The following HDHD2 variants were observed in gnomAD, a reference collection of about 807,000 sequenced individuals.
HDHD2 encodes the protein haloacid dehalogenase-like hydrolase domain-containing protein 2.
In HDHD2, 26 loss-of-function variants were observed where a neutral mutation model predicts 24.8. The observed-to-expected ratio is 1.05, with a 90% confidence interval of 0.77 to 1.45. The LOEUF is 1.45. Among genes scored for constraint, HDHD2 ranks in the 40% most tolerant of loss-of-function variants. HDHD2 has a pLI of 0.00. For synonymous variants in HDHD2, 128 were observed against 114.9 expected (o/e 1.11, Z -0.73); for missense variants, 299 against 313.4 (o/e 0.95, Z 0.35).
In HDHD2 at chr18:47,134,694, C is replaced by G. The variant is rs1220097948; in HGVS notation, c.112G>C (p.Ala38Pro). Residue 38 changes from alanine (A) to proline (P), a missense_variant, in exon 3 of 7, where the codon GCT becomes CCT. Transcript: ENST00000300605. Reference sequence around the variant, plus strand: ...GTCACAAACCTAATGATTACAGAAGCACCACGTAACCTGGAGAGGGCCAAA... The same window carrying G: ...GTCACAAACCTAATGATTACAGAAGGACCACGTAACCTGGAGAGGGCCAAA... ...AQEALKRLRGASVIIRFVTNT... is the reference protein window; with the variant it reads ...AQEALKRLRGPSVIIRFVTNT... 6.2e-7 allele frequency: 1 copy of G among 1,613,988 alleles called. No homozygotes were observed. Among genetic ancestry groups the G allele is most frequent in the Admixed American group, 1.7e-5 (1 of 60,022 alleles).
chr18:47,134,279 A>G (rs1001943243), intron 3 of HDHD2: 5 of 573,834 alleles, frequency 8.7e-6, no homozygotes, highest in African/African-American at 5.6e-5. Context: ...ACACATATAG[A>G]TATGTATTAG....
intron 5 of HDHD2, among the ~76,000 whole-genome samples, 170 bp from the exon 6 acceptor site, chr18:47,113,210 C>A (rs2063530206): frequency 6.6e-6 from 1 of 152,186 alleles, no homozygotes; most frequent in Non-Finnish European, 1.5e-5. Flanking sequence ...TCTGAGGAAG[C>A]ATTCCAAATT....
chr18:47,138,120 C>T (rs1206701622), intron 1 of HDHD2, among the ~76,000 whole-genome samples: 1 of 131,924 alleles, frequency 7.6e-6, no homozygotes, highest in African/African-American at 2.9e-5. Context: ...TGCAGTGAGC[C>T]GAGATCGCAC....
chr18:47,143,012 A>G (rs1016765767), intron 1 of HDHD2, among the ~76,000 whole-genome samples: 1 of 152,224 alleles, frequency 6.6e-6, no homozygotes. Context: ...TATTAAATAG[A>G]TCTTTGGCAC....
At chr18:47,115,415 G>T in intron 4 of HDHD2, 67 bp from the exon 5 acceptor site, 1 of 1,144,500 alleles carries the variant, frequency 8.7e-7, no homozygotes, top group Non-Finnish European at 1.3e-6. Context: ...GGGAACGAAT[G>T]TCAGACTTAC....
Position 47,130,287 on chromosome 18 carries a change from C to T in HDHD2, c.352G>A (p.Ala118Thr), listed in dbSNP as rs2063700910. The T allele has an allele frequency of 1.2e-6, 2 of 1,608,048 alleles. No homozygotes were observed. The highest frequency in any genetic ancestry group is 3.4e-5 in the Admixed American group (2 of 59,432). The stretch of plus-strand genomic sequence containing the variant: ...ATTTGATAATGAAAATGTTCTGGTG[C>T]CAATCCCATGACCACAGCATTAGGA... ...SDPNAVVMGL[A>T]PEHFHYQILN... Residue 118 changes from alanine to threonine, a missense_variant, in exon 4 of 7, where the codon GCA (alanine) becomes ACA (threonine). By Grantham distance (58) the Ala-to-Thr change is moderately conservative. Coordinates refer to ENST00000300605, the MANE Select transcript of HDHD2 (RefSeq NM_032124.5).
intron 1 of HDHD2, among the ~76,000 whole-genome samples, chr18:47,141,734 ACTT>A (rs1356217720): frequency 4.6e-5 from 7 of 152,124 alleles, no homozygotes; most frequent in Non-Finnish European, 8.8e-5. Context: ...TTTTTTGAGC[ACTT>A]CTTTGCTTTT....
chr18:47,141,205 T>C (rs938977007), intron 1 of HDHD2, among the ~76,000 whole-genome samples: 1 of 152,216 alleles, frequency 6.6e-6, no homozygotes, highest in Admixed American at 6.5e-5. Flanking sequence ...TTTTTCTGTA[T>C]CCAATGAGAT....
chr18:47,145,183 T>A (rs1261750755), intron 1 of HDHD2, among the ~76,000 whole-genome samples: 1 of 152,196 alleles, frequency 6.6e-6, no homozygotes, highest in African/African-American at 2.4e-5. Flanking sequence ...CAAATTGCTT[T>A]CAAAGGAGCA....
At chr18:47,120,171 T>C (rs1385099880) in intron 4 of HDHD2, among the ~76,000 whole-genome samples, 6 of 152,194 alleles carry the variant, frequency 3.9e-5, no homozygotes, top group Non-Finnish European at 8.8e-5. Context: ...GGCACTGACT[T>C]TTCCTCTCTA....
In HDHD2 at chr18:47,131,674, T is replaced by C. The variant is rs552182124; in HGVS notation, c.311-1346A>G. Among the ~76,000 whole-genome samples the C allele has an allele frequency of 2.0e-5, 3 of 152,354 alleles. No individual in the cohort carries two copies. The East Asian group carries it at 5.8e-4, about 29-fold the overall frequency. ...TTGTATTTAACTTACTTGATTTTTA[T>C]TATTGCATCTCTTTTCACTGACACT... is the stretch of plus-strand genomic sequence containing the variant. On this transcript the variant is annotated intron_variant, in intron 3 of 6. Transcript: ENST00000300605.
chr18:47,111,893 G>A (rs774243389), intron 6 of HDHD2: 81 of 679,356 alleles, frequency 1.2e-4, no homozygotes, highest in Non-Finnish European at 9.8e-5. Flanking sequence ...TTGACTTTAT[G>A]TTTAAATATT....
intron 4 of HDHD2, among the ~76,000 whole-genome samples, chr18:47,121,501 G>T (rs1859587303): frequency 6.6e-6 from 1 of 152,124 alleles, no homozygotes; most frequent in East Asian, 1.9e-4. Flanking sequence ...TCTTTCACCT[G>T]AACTGTAACA....
chr18:47,122,206 C>T (rs2063613875), intron 4 of HDHD2, among the ~76,000 whole-genome samples: 1 of 152,182 alleles, frequency 6.6e-6, no homozygotes, highest in Non-Finnish European at 1.5e-5. Context: ...GTGTCCTGAC[C>T]TATGACAACT....
Position 47,134,553 on chromosome 18 carries a change from G to T in HDHD2, c.253C>A (p.Arg85=). The T allele has an allele frequency of 6.2e-7, 1 of 1,614,056 alleles. No individual in the cohort carries two copies. The highest frequency in any genetic ancestry group is 8.5e-7 in the Non-Finnish European group (1 of 1,179,978). Residue 85 remains arginine (R), a synonymous_variant, in exon 3 of 7, where the codon CGG becomes AGG. Transcript: ENST00000300605. The part of the protein sequence containing the change: ...SLTAARSLLE[R]KQVRPMLLVD... ...AGCAGCATGGGTCTGACTTGTTTCC[G>T]CTCTAGTAAACTTCTGGCTGCAGTC... is the stretch of plus-strand genomic sequence containing the variant.
At chr18:47,135,481 G>C (rs562984936) in intron 2 of HDHD2, among the ~76,000 whole-genome samples, 1 of 151,890 alleles carries the variant, frequency 6.6e-6, no homozygotes, top group African/African-American at 2.4e-5. Flanking sequence ...GGCTGGTCTC[G>C]AACTCCCGAC....
At chr18:47,115,107 G>A (rs1191012269) in intron 5 of HDHD2, 25 bp downstream of exon 5, 1 of 1,561,394 alleles carries the variant, frequency 6.4e-7, no homozygotes, top group East Asian at 2.2e-5. Flanking sequence ...TGAGCTGGGA[G>A]CACCTCCTGG....
At chr18:47,130,395 T>C (rs1216658841) in intron 3 of HDHD2, 67 bp from the exon 4 acceptor site, 39 of 1,050,708 alleles carry the variant, frequency 3.7e-5, no homozygotes, top group Non-Finnish European at 5.4e-5. Flanking sequence ...TTTAAAAAAG[T>C]AGTCTTAGTC....
chr18:47,130,310 G>T lies in HDHD2; in HGVS notation c.329C>A (p.Pro110His). 1 of 1,599,130 alleles carries T rather than the reference G, an allele frequency of 6.3e-7. No homozygotes were observed. The highest frequency in any genetic ancestry group is 8.5e-7 in the Non-Finnish European group (1 of 1,171,882). ...PDFKGIQTSD[P>H]NAVVMGLAPE... ...TGCCAATCCCATGACCACAGCATTA[G>T]GATCACTTGTTTGTATTCCTGGGAA... The change falls in exon 4 of 7, where the codon CCT becomes CAT. Residue 110 changes from proline to histidine, a missense_variant. Physicochemically the swap from Pro to His is moderately conservative, Grantham distance 77. Transcript: ENST00000300605.
Sources: gnomAD v4.1 joint callset for allele counts (sites outside exome capture counted in the v4.1 genomes callset) on GRCh38, gnomAD v4.1.1 for gene constraint, MANE v1.5 for transcripts, NCBI Gene and HGNC (gene_info 2026-07-23, HGNC 2026-07-21) for gene names.